The following LRP1B variants were observed in gnomAD, a reference collection of about 807,000 sequenced individuals.
LRP1B encodes low-density lipoprotein receptor-related protein 1B.
LRP1B carries 217 observed loss-of-function variants against 556.6 expected under a neutral mutation model. The observed-to-expected ratio is 0.39, with a 90% CI of 0.35 to 0.44. The LOEUF is 0.44. Ranked by LOEUF, LRP1B falls within the 20% of genes least tolerant of loss-of-function variation. The pLI is 1.00. For missense variants in LRP1B, 5,053 were observed against 5,620.8 expected (o/e 0.90, Z 3.23); for synonymous variants, 2,047 against 1,865.8 (o/e 1.10, Z -2.50).
chr2:140,859,580 A>C (rs1450806032), intron 27 of LRP1B, among the ~76,000 whole-genome samples: 1 of 152,186 alleles, frequency 6.6e-6, no homozygotes, highest in African/African-American at 2.4e-5. Flanking sequence ...GGGATTTTAA[A>C]AAAAATGATT....
At chr2:141,692,611 G>A (rs528851699) in intron 2 of LRP1B, among the ~76,000 whole-genome samples, 2 of 152,030 alleles carry the variant, frequency 1.3e-5, no homozygotes, top group South Asian at 2.1e-4. Flanking sequence ...AGAGTACTCA[G>A]GACCCATTAG....
intron 51 of LRP1B, among the ~76,000 whole-genome samples, chr2:140,511,068 T>C (rs1237474490): frequency 1.3e-5 from 2 of 152,052 alleles, no homozygotes; most frequent in African/African-American, 2.4e-5. Flanking sequence ...AAGAAATTTG[T>C]TGAAGTGTTG....
At chr2:140,678,607 T>G (rs563531528) in intron 41 of LRP1B, among the ~76,000 whole-genome samples, 1 of 152,272 alleles carries the variant, frequency 6.6e-6, no homozygotes, top group African/African-American at 2.4e-5. Flanking sequence ...AATTCACTGG[T>G]TTCAGCCTTT....
chr2:141,638,104 T>G (rs1246385896), intron 2 of LRP1B, among the ~76,000 whole-genome samples: 2 of 151,904 alleles, frequency 1.3e-5, no homozygotes, highest in Non-Finnish European at 2.9e-5. Flanking sequence ...AAGGCTGAGG[T>G]AGAGGGATCT....
chr2:141,686,865 G>A (rs1691329743), intron 2 of LRP1B, among the ~76,000 whole-genome samples: 1 of 151,912 alleles, frequency 6.6e-6, no homozygotes, highest in African/African-American at 2.4e-5. Flanking sequence ...TGAGCTGGCA[G>A]GTTAGCATGC....
In LRP1B at chr2:140,823,751, C is replaced by A. The variant is rs1007134032; in HGVS notation, c.5210-9945G>T. ...TATATAAAACACAGAAATATTTTAT[C>A]CAATTATTTGCATAGCAGTTTTAAA... On this transcript the variant is annotated intron_variant, in intron 31 of 90. Transcript: ENST00000389484. Among the ~76,000 whole-genome samples, 29 of 151,464 alleles carry A rather than the reference C, an allele frequency of 1.9e-4. No homozygotes were observed. The Middle Eastern group carries it at 0.017, about 89-fold the overall frequency.
chr2:141,646,665 A>T (rs1318181081), intron 2 of LRP1B, among the ~76,000 whole-genome samples: 1 of 152,168 alleles, frequency 6.6e-6, no homozygotes, highest in Non-Finnish European at 1.5e-5. Flanking sequence ...CCGTATAAAT[A>T]GTAATTACAC....
intron 33 of LRP1B, among the ~76,000 whole-genome samples, chr2:140,774,305 A>G (rs917822912): frequency 6.6e-6 from 1 of 152,110 alleles, no homozygotes; most frequent in Admixed American, 6.6e-5. Flanking sequence ...TTCATTTGGC[A>G]ATACTTTCAC....
At chr2:141,694,990 C>T (rs552219436) in intron 2 of LRP1B, among the ~76,000 whole-genome samples, 2 of 152,112 alleles carry the variant, frequency 1.3e-5, no homozygotes, top group South Asian at 4.1e-4. Context: ...TAACATTCCT[C>T]TAAGTTCTCC....
At chr2:140,254,194 T>C (rs116581494) in intron 86 of LRP1B, among the ~76,000 whole-genome samples, 1 of 152,268 alleles carries the variant, frequency 6.6e-6, no homozygotes, top group African/African-American at 2.4e-5. Context: ...AACTGCACTT[T>C]AAAATAAAGC....
rs1028862988 is a variant in LRP1B, at chr2:140,454,594, A to T, written c.9963+1861T>A. On this transcript the variant is annotated intron_variant, in intron 62 of 90. Transcript: ENST00000389484. ...ATTGTTAAGTTTCTAAAAATTCGTG[A>T]TAGACTATTGGGGGTATTTAAAAAT... Among the ~76,000 whole-genome samples, 10 of 152,226 alleles carry T rather than the reference A, an allele frequency of 6.6e-5. No individual in the cohort carries two copies. In the South Asian group the frequency reaches 1.7e-3, roughly 25 times the overall value.
intron 1 of LRP1B, among the ~76,000 whole-genome samples, chr2:141,888,056 AATG>A (rs1434500134): frequency 6.6e-6 from 1 of 152,260 alleles, no homozygotes; most frequent in African/African-American, 2.4e-5. Context: ...TCCACTCTGA[AATG>A]ATGACTTTTT....
At chr2:141,299,609 TC>T (rs1178659824) in intron 3 of LRP1B, among the ~76,000 whole-genome samples, 1 of 152,190 alleles carries the variant, frequency 6.6e-6, no homozygotes, top group East Asian at 1.9e-4. Flanking sequence ...ATCACCATCT[TC>T]CTTTCTTCTA....
chr2:141,299,246 T>C (rs1406339995), intron 3 of LRP1B, among the ~76,000 whole-genome samples: 1 of 152,154 alleles, frequency 6.6e-6, no homozygotes, highest in Non-Finnish European at 1.5e-5. Flanking sequence ...TTCAGACAAA[T>C]ATATGTTTTA....
intron 1 of LRP1B, among the ~76,000 whole-genome samples, chr2:141,837,976 C>T (rs1251085258): frequency 6.6e-6 from 1 of 152,062 alleles, no homozygotes; most frequent in Non-Finnish European, 1.5e-5. Flanking sequence ...AAAACTAGAA[C>T]AGAGAGTATA....
At chr2:140,505,308 G>A (rs995383704) in intron 53 of LRP1B, among the ~76,000 whole-genome samples, 14 of 152,116 alleles carry the variant, frequency 9.2e-5, no homozygotes, top group Admixed American at 5.9e-4. Context: ...AGAAGATCCA[G>A]GACTTGAACC....
intron 84 of LRP1B, among the ~76,000 whole-genome samples, chr2:140,282,846 A>T (rs1156301096): frequency 6.6e-6 from 1 of 151,834 alleles, no homozygotes; most frequent in Admixed American, 6.6e-5. Context: ...ACACTTGTAG[A>T]AAACACCCAA....
At chr2:140,997,850 C>T (rs1461385690) in intron 15 of LRP1B, among the ~76,000 whole-genome samples, 3 of 151,802 alleles carry the variant, frequency 2.0e-5, no homozygotes, top group African/African-American at 7.3e-5. Flanking sequence ...GTGAAAAATG[C>T]TGCGATAGGT....
intron 71 of LRP1B, among the ~76,000 whole-genome samples, chr2:140,366,422 T>C (rs928239204): frequency 2.0e-5 from 3 of 151,618 alleles, no homozygotes; most frequent in African/African-American, 7.3e-5. Context: ...TACCGGTCCA[T>C]GTGGTGATGT....
Sources: allele counts gnomAD v4.1 joint callset (sites outside exome capture counted in the v4.1 genomes callset), GRCh38; gene constraint gnomAD v4.1.1; transcripts MANE v1.5; gene names NCBI Gene and HGNC (gene_info 2026-07-23, HGNC 2026-07-21).